Variants in BSND observed in about 807,000 individuals in gnomAD.
The protein encoded by BSND is barttin CLCNK type accessory subunit beta.
A neutral mutation model predicts 18.8 loss-of-function variants in BSND; 13 were observed. The ratio of observed to expected loss-of-function variants is 0.69; its 90% CI spans 0.45 to 1.10. The LOEUF (loss-of-function observed/expected upper bound fraction) is 1.10, where lower values mean the gene tolerates loss of function less well. BSND is among the 50% of genes least tolerant of loss of function. BSND has a pLI of 0.00. For synonymous variants in BSND, 170 were observed against 161.8 expected (o/e 1.05, Z -0.39); for missense variants, 379 against 416.7 (o/e 0.91, Z 0.79).
Position 55,014,935 on chromosome 1 carries a change from G to A in BSND, c.*6307G>A, listed in dbSNP as rs1644442265. 1.3e-5 allele frequency among the ~76,000 whole-genome samples: 2 copies of A among 152,190 alleles called. No homozygotes were observed. The highest frequency in any genetic ancestry group is 4.8e-5 in the African/African-American group (2 of 41,450). On this transcript the variant is annotated 3_prime_UTR_variant, in exon 4 of 4. Transcript: ENST00000651561. ...AGGCAGAGGGCATGGCATAGGCAAA[G>A]CCTTGGGGGAAGGAAGGAGGAAGAA... is the stretch of plus-strand genomic sequence containing the variant.
At chr1:55,004,645 G>A (rs1276040362) in intron 1 of BSND, among the ~76,000 whole-genome samples, 1 of 152,192 alleles carries the variant, frequency 6.6e-6, no homozygotes, top group East Asian at 1.9e-4. Context: ...CACCAAATAT[G>A]GATGAAGCAC....
chr1:55,000,143 G>GA (rs1644354273), intron 1 of BSND, among the ~76,000 whole-genome samples: 1 of 152,136 alleles, frequency 6.6e-6, no homozygotes, highest in Non-Finnish European at 1.5e-5. Context: ...AAAGATCAGA[G>GA]AAGAGATAAG....
At chr1:55,004,883 CCT>C in intron 1 of BSND, 137 bp from the exon 2 acceptor site, 2 of 745,910 alleles carry the variant, frequency 2.7e-6, no homozygotes, top group Non-Finnish European at 4.7e-6. Context: ...CAAGTAGGCC[CCT>C]CTCCTGTCAA....
At chr1:55,006,901 G>A (rs1238086069) in intron 2 of BSND, 96 bp from the exon 3 acceptor site, 2 of 1,571,570 alleles carry the variant, frequency 1.3e-6, no homozygotes, top group Admixed American at 1.7e-5. Flanking sequence ...TGTGAGGTGA[G>A]GGGAGACCAC....
chr1:55,008,081 C>A (rs1644400575), intron 3 of BSND, 133 bp from the exon 4 acceptor site: 6 of 736,950 alleles, frequency 8.1e-6, no homozygotes, highest in Admixed American at 2.3e-5. Context: ...GGAGTGAATT[C>A]TGTTATTGGG....
chr1:55,008,369 T>A lies in BSND; in HGVS notation c.704T>A (p.Leu235Gln). ...QQEPQGCRCPLDRFQDFALID... is the reference protein window; with the variant it reads ...QQEPQGCRCPQDRFQDFALID... ...GAACCTCAGGGCTGCAGGTGCCCGC[T>A]GGACCGCTTCCAAGACTTTGCCCTG... Residue 235 changes from leucine to glutamine, a missense_variant, in exon 4 of 4, where the codon CTG becomes CAG. Physicochemically the swap from Leu to Gln is moderately radical, Grantham distance 113. Coordinates refer to ENST00000651561, the MANE Select transcript of BSND (RefSeq NM_057176.3). 1 of 1,614,244 alleles carries A rather than the reference T, an allele frequency of 6.2e-7. No individual in the cohort carries two copies. The highest frequency in any genetic ancestry group is 8.5e-7 in the Non-Finnish European group (1 of 1,180,044).
chr1:55,001,050 G>C (rs1016110770), intron 1 of BSND, among the ~76,000 whole-genome samples: 1 of 152,172 alleles, frequency 6.6e-6, no homozygotes, highest in Admixed American at 6.5e-5. Context: ...GAGGCAGCGT[G>C]GTGGGCTGAA....
intron 1 of BSND, among the ~76,000 whole-genome samples, chr1:55,003,041 A>AAT (rs1644369374): frequency 7.9e-3 from 1 of 126 alleles, no homozygotes; most frequent in Non-Finnish European, 0.017. Flanking sequence ...TGATGATGAT[A>AAT]GTGATGATGA....
At chr1:55,007,819 C>T (rs1644399514) in intron 3 of BSND, among the ~76,000 whole-genome samples, 1 of 152,206 alleles carries the variant, frequency 6.6e-6, no homozygotes, top group South Asian at 2.1e-4. Flanking sequence ...ACTTCCTGCC[C>T]AGCCTTCACT....
Position 54,999,054 on chromosome 1 carries a change from C to A in BSND, c.-133C>A. On this transcript the variant is annotated 5_prime_UTR_variant, in exon 1 of 4. Coordinates refer to ENST00000651561, the MANE Select transcript of BSND (RefSeq NM_057176.3). Reference sequence around the variant, plus strand: ...TGGAGCGGGATTGAAAGGGATCTTGCTCTCCCTTGAAGCCTTGAGTTGCAG... The same window carrying A: ...TGGAGCGGGATTGAAAGGGATCTTGATCTCCCTTGAAGCCTTGAGTTGCAG... 1 of 1,100,030 alleles carries A rather than the reference C, an allele frequency of 9.1e-7. No individual in the cohort carries two copies. Among genetic ancestry groups the A allele is most frequent in the Non-Finnish European group, 1.3e-6 (1 of 755,758 alleles). The allele number at this position is 1,100,030 out of a possible 1,614,324, so 68.1% of individuals were successfully genotyped here.
rs1048900757 is a variant in BSND at position 55,014,212 on chromosome 1, G to C, written c.*5584G>C. Among the ~76,000 whole-genome samples, 3 of 152,206 alleles carry C rather than the reference G, an allele frequency of 2.0e-5. No homozygotes were observed. The highest frequency in any genetic ancestry group is 4.4e-5 in the Non-Finnish European group (3 of 68,042). ...TGGTGGAACAGAATTGAACCGAACC[G>C]GGTGCCCACTCTGAAGGCTCATGGC... On this transcript the variant is annotated 3_prime_UTR_variant, in exon 4 of 4. Coordinates refer to ENST00000651561, the MANE Select transcript of BSND (RefSeq NM_057176.3).
chr1:55,008,742 G>GGT lies in BSND; in HGVS notation c.*116_*117dup. 6.8e-7 allele frequency: 1 copy of GGT among 1,466,024 alleles called. No individual in the cohort carries two copies. Among genetic ancestry groups the GGT allele is most frequent in the Non-Finnish European group, 9.5e-7 (1 of 1,054,634 alleles). 90.8% of individuals were successfully genotyped at this position (1,466,024 alleles called of 1,614,324 possible). On this transcript the variant is annotated 3_prime_UTR_variant, in exon 4 of 4. Transcript: ENST00000651561. ...GGATGATATGGAGGTTCAATGAGAT[G>GGT]GTGGCATTTTGAGAATGGTAAAGAA...
Position 55,008,602 on chromosome 1 carries a change from G to T in BSND, c.937G>T (p.Gly313Cys). 6.2e-7 allele frequency: 1 copy of T among 1,614,164 alleles called. No homozygotes were observed. Among genetic ancestry groups the T allele is most frequent in the Non-Finnish European group, 8.5e-7 (1 of 1,180,042 alleles). The change falls in exon 4 of 4, where the codon GGT becomes TGT. Residue 313 changes from glycine to cysteine, a missense_variant. Coordinates refer to ENST00000651561, the MANE Select transcript of BSND (RefSeq NM_057176.3). ...GGACCTCCTCCCGGACAAGGAGCTG[G>T]GTTTTGAGCCTGACACCCAAGGCTG... is the stretch of plus-strand genomic sequence containing the variant. Reference protein sequence around the residue: ...AGDLLPDKELGFEPDTQG With the variant: ...AGDLLPDKELCFEPDTQG
chr1:55,001,547 C>T (rs1161495823), intron 1 of BSND, among the ~76,000 whole-genome samples: 1 of 152,148 alleles, frequency 6.6e-6, no homozygotes, highest in African/African-American at 2.4e-5. Flanking sequence ...CCCTCAGCCT[C>T]CTCCCCGTGG....
Position 55,014,952 on chromosome 1 carries a change from G to A in BSND, c.*6324G>A, listed in dbSNP as rs1263526215. On this transcript the variant is annotated 3_prime_UTR_variant, in exon 4 of 4. Coordinates refer to ENST00000651561, the MANE Select transcript of BSND (RefSeq NM_057176.3). Reference sequence around the variant, plus strand: ...TAGGCAAAGCCTTGGGGGAAGGAAGGAGGAAGAAGGAGACTGTCCTGGCTG... The same window carrying A: ...TAGGCAAAGCCTTGGGGGAAGGAAGAAGGAAGAAGGAGACTGTCCTGGCTG... 2.6e-5 allele frequency among the ~76,000 whole-genome samples: 4 copies of A among 152,136 alleles called. No homozygotes were observed. The highest frequency in any genetic ancestry group is 6.5e-5 in the Admixed American group (1 of 15,276).
chr1:55,007,457 T>C (rs1644397642), intron 3 of BSND, among the ~76,000 whole-genome samples, 185 bp downstream of exon 3: 1 of 152,130 alleles, frequency 6.6e-6, no homozygotes. Context: ...GAGTCAGGCC[T>C]CAGTTCAAAC....
At chr1:55,004,187 T>C (rs1167227389) in intron 1 of BSND, among the ~76,000 whole-genome samples, 1 of 152,268 alleles carries the variant, frequency 6.6e-6, no homozygotes, top group African/African-American at 2.4e-5. Context: ...GGCTGAATAG[T>C]ATTTCATCAT....
At position 55,011,536 on chromosome 1, in the gene BSND, G is replaced by A. The variant is rs1220950443; in HGVS notation, c.*2908G>A. The A allele has an allele frequency of 2.6e-5, 4 of 152,200 alleles. No individual in the cohort carries two copies. Among genetic ancestry groups the A allele is most frequent in the African/African-American group, 9.7e-5 (4 of 41,440 alleles). The allele number at this position is 152,200 out of a possible 1,614,324, so 9.4% of individuals were successfully genotyped here. A position where few individuals can be genotyped will look rare whatever the true frequency, so the allele number is the denominator to read the frequency against. ...AGACCACTGGGAGCACACCTCACCT[G>A]TGGTTAACAAGCTGGGTTTCTTCTT... On this transcript the variant is annotated 3_prime_UTR_variant, in exon 4 of 4. Coordinates refer to ENST00000651561, the MANE Select transcript of BSND (RefSeq NM_057176.3).
At chr1:55,005,187 G>A in intron 2 of BSND, 71 bp downstream of exon 2, 1 of 1,425,516 alleles carries the variant, frequency 7.0e-7, no homozygotes, top group East Asian at 2.3e-5. Context: ...TGAGGAGAGT[G>A]AGAGGGAGGG....
Sources: gnomAD v4.1 joint callset for allele counts (sites outside exome capture counted in the v4.1 genomes callset) on GRCh38, gnomAD v4.1.1 for gene constraint, MANE v1.5 for transcripts, NCBI Gene and HGNC (gene_info 2026-07-23, HGNC 2026-07-21) for gene names.